MACF1: variants seen among roughly 807,000 people sequenced by gnomAD.
MACF1 encodes microtubule-actin cross-linking factor 1.
A neutral mutation model predicts 854.8 loss-of-function variants in MACF1; 193 were observed. The observed-to-expected ratio is 0.23, with a 90% confidence interval of 0.20 to 0.25. The LOEUF (loss-of-function observed/expected upper bound fraction) is 0.25. MACF1 is among the 10% of genes least tolerant of loss of function. The pLI is 1.00. For missense variants in MACF1, 7,722 were observed against 8,929.1 expected, an observed-to-expected ratio of 0.86 and a Z score of 5.45; for synonymous variants, 3,185 against 3,226.7, an observed-to-expected ratio of 0.99 and a Z score of 0.44.
intron 40 of MACF1, among the ~76,000 whole-genome samples, chr1:39,343,007 T>C (rs941889667): frequency 1.3e-5 from 2 of 152,196 alleles, no homozygotes; most frequent in South Asian, 2.1e-4. Flanking sequence ...CAGATTTTGC[T>C]TGGGGGCCAC....
In MACF1 at chr1:39,247,112, G is replaced by A. The variant is rs540945848; in HGVS notation, c.172-2902G>A. On this transcript the variant is annotated intron_variant, in intron 2 of 100. Coordinates refer to ENST00000564288, the MANE Select transcript of MACF1 (RefSeq NM_001394062.1). ...TTTTGAGACGGAGTTTCGCTCTGTT[G>A]CCCAGGCTGGAGTGCAGTGGCGCGA... Among the ~76,000 whole-genome samples, 20 of 128,640 alleles carry A rather than the reference G, an allele frequency of 1.6e-4. 1 individual carries two copies. The East Asian group carries it at 3.9e-3, about 25-fold the overall frequency. 84.4% of individuals were successfully genotyped at this position (128,640 alleles called of 152,430 possible).
chr1:39,442,593 T>C, intron 77 of MACF1, 26 bp downstream of exon 77: 1 of 1,612,920 alleles, frequency 6.2e-7, no homozygotes, highest in Non-Finnish European at 8.5e-7. Context: ...TTTTCATCTC[T>C]AACCCTATTG....
At chr1:39,177,481 A>G (rs1268367835) in intron 2 of MACF1, among the ~76,000 whole-genome samples, 2 of 152,294 alleles carry the variant, frequency 1.3e-5, no homozygotes, top group Non-Finnish European at 2.9e-5. Flanking sequence ...AAATAACTGC[A>G]TCATCAGTCC....
In MACF1 at chr1:39,327,330, T is replaced by C; in HGVS notation, c.4591T>C (p.Leu1531=). The C allele has an allele frequency of 6.2e-7, 1 of 1,605,516 alleles. No individual in the cohort carries two copies. The highest frequency in any genetic ancestry group is 8.5e-7 in the Non-Finnish European group (1 of 1,173,148). ...ANQLQQLQSQ[L]AHQTEQKECR... is the part of the protein sequence containing the mutation. ...TCAGCTTCAGCAGCTTCAGAGCCAG[T>C]TGGCTCACCAGACAGAACAAAAGGT... Residue 1531 remains leucine, a synonymous_variant, in exon 36 of 101, where the codon TTG becomes CTG. Coordinates refer to ENST00000564288, the MANE Select transcript of MACF1 (RefSeq NM_001394062.1).
At chr1:39,344,560 A>T (rs996178868) in intron 40 of MACF1, among the ~76,000 whole-genome samples, 1 of 152,076 alleles carries the variant, frequency 6.6e-6, no homozygotes, top group Admixed American at 6.5e-5. Context: ...ATATGTTGGC[A>T]TGCTTCCAGG....
In MACF1 at chr1:39,412,328, A is replaced by G. The variant is rs748820728; in HGVS notation, c.15817-10046A>G. The G allele has an allele frequency of 1.9e-6, 3 of 1,614,072 alleles. No homozygotes were observed. In the South Asian group the frequency reaches 3.3e-5, roughly 18 times the overall value. ...GATGAAATTCATTTGGAAAGTGGGA[A>G]TGTAACTGTTAATCAAGAAAATAAC... On this transcript the variant is annotated intron_variant, in intron 58 of 100. Coordinates refer to ENST00000564288, the MANE Select transcript of MACF1 (RefSeq NM_001394062.1).
intron 23 of MACF1, among the ~76,000 whole-genome samples, chr1:39,303,891 G>T (rs1646107815): frequency 6.6e-6 from 1 of 151,654 alleles, no homozygotes; most frequent in East Asian, 1.9e-4. Context: ...AAAAAAAAAG[G>T]TTGATTTTTT....
intron 97 of MACF1, among the ~76,000 whole-genome samples, chr1:39,479,265 T>C (rs1232705164): frequency 6.6e-6 from 1 of 152,224 alleles, no homozygotes; most frequent in Non-Finnish European, 1.5e-5. Flanking sequence ...TCTTAATGAT[T>C]CTCTCCTGAT....
At chr1:39,358,547 T>C (rs75439927) in intron 45 of MACF1, 150 bp from the exon 46 acceptor site, 1 of 672,344 alleles carries the variant, frequency 1.5e-6, no homozygotes, top group Non-Finnish European at 2.5e-6. Context: ...TTAGAGATCA[T>C]TGCTACCCAT....
chr1:39,105,820 C>G lies in MACF1; in HGVS notation c.220+21382C>G. On this transcript the variant is annotated intron_variant, in intron 2 of 93. Transcript: ENST00000361689. The surrounding 1 kb of genome is among the most constrained non-coding windows in gnomAD (Gnocchi z 5.9). ...TGCAGGTGGGGCGGCCGGGCGGGGT[C>G]GCACCCACCGCGCGGGGCTTGGCCC... The G allele has an allele frequency of 1.0e-5, 9 of 890,806 alleles. No individual in the cohort carries two copies. The highest frequency in any genetic ancestry group is 1.8e-5 in the African/African-American group (1 of 55,244). The allele number at this position is 890,806 out of a possible 1,614,324, so 55.2% of individuals were successfully genotyped here. A position where few individuals can be genotyped will look rare whatever the true frequency, so the allele number is the denominator to read the frequency against.
At chr1:39,471,317 C>T (rs1644772552) in intron 97 of MACF1, among the ~76,000 whole-genome samples, 1 of 152,116 alleles carries the variant, frequency 6.6e-6, no homozygotes, top group African/African-American at 2.4e-5. Context: ...ATTGGAAGTT[C>T]TATAAGGATT....
At position 39,316,469 on chromosome 1, in the gene MACF1, T is replaced by C. The variant is rs1646413514; in HGVS notation, c.3528T>C (p.Ser1176=). 1 of 1,613,620 alleles carries C rather than the reference T, an allele frequency of 6.2e-7. No homozygotes were observed. Among genetic ancestry groups the C allele is most frequent in the Non-Finnish European group, 8.5e-7 (1 of 1,179,862 alleles). Residue 1176 remains serine (S), a synonymous_variant, in exon 28 of 101, where the codon AGT becomes AGC. Transcript: ENST00000564288. ...LLVKGYEIKL[S]QEEVVLADLS... is the part of the protein sequence containing the mutation. ...TCAAAGGTTATGAGATTAAGCTGAGTCAAGAAGAAGTAGTACTGGCAGATC... is the reference window on the plus strand; with the variant it reads ...TCAAAGGTTATGAGATTAAGCTGAGCCAAGAAGAAGTAGTACTGGCAGATC...
chr1:39,200,616 T>G (rs141686881), upstream of MACF1, among the ~76,000 whole-genome samples: 386 of 152,104 alleles, frequency 2.5e-3, 4 homozygotes, highest in East Asian at 0.058. Context: ...GGAGAATCAC[T>G]TGAACCCGGT....
chr1:39,439,503 A>G lies in MACF1; in HGVS notation c.18447+3A>G, dbSNP rs201349444. 1.0e-4 allele frequency: 166 copies of G among 1,611,030 alleles called. No individual in the cohort carries two copies. Among genetic ancestry groups the G allele is most frequent in the Middle Eastern group, 1.6e-4 (1 of 6,074 alleles). On this transcript the variant is annotated splice_donor_region_variant and intron_variant, in intron 72 of 100. Transcript: ENST00000564288. Reference sequence around the variant, plus strand: ...AACAACAGGTTGAAGCTGCTGAGGTAAGAAGGAAACAAAACCCTTTTTCTT... The same window carrying G: ...AACAACAGGTTGAAGCTGCTGAGGTGAGAAGGAAACAAAACCCTTTTTCTT...
intron 58 of MACF1, among the ~76,000 whole-genome samples, chr1:39,395,567 A>G (rs186519123): frequency 6.6e-6 from 1 of 152,328 alleles, no homozygotes; most frequent in East Asian, 1.9e-4. Flanking sequence ...ATTGCCAAAG[A>G]GAAGAGGAAC....
chr1:39,463,716 G>T (rs1319887661), intron 94 of MACF1, 30 bp downstream of exon 94: 4 of 1,598,144 alleles, frequency 2.5e-6, no homozygotes, highest in Non-Finnish European at 3.4e-6. Context: ...GTCCTTTGTT[G>T]TGGTGGTTTC....
intron 58 of MACF1, among the ~76,000 whole-genome samples, chr1:39,392,826 A>T (rs584763): frequency 0.85 from 129,705 of 152,132 alleles, 55,856 homozygotes; most frequent in African/African-American, 0.95. Flanking sequence ...CCTCACTGGC[A>T]GACCAGATTC....
chr1:39,339,973 G>T (rs1167229634), intron 38 of MACF1, among the ~76,000 whole-genome samples: 1 of 152,148 alleles, frequency 6.6e-6, no homozygotes, highest in Non-Finnish European at 1.5e-5. Flanking sequence ...CTTATTTCCG[G>T]CTTATCTGTT....
chr1:39,189,901 A>G (rs930776011), intron 2 of MACF1, among the ~76,000 whole-genome samples: 1 of 152,230 alleles, frequency 6.6e-6, no homozygotes, highest in African/African-American at 2.4e-5. Flanking sequence ...TATTGATAAC[A>G]ATCAACATAG....
Sources: gnomAD v4.1 joint callset for allele counts (sites outside exome capture counted in the v4.1 genomes callset) on GRCh38, gnomAD v4.1.1 for gene constraint, Gnocchi (gnomAD v3.1) non-coding constraint, MANE v1.5 for transcripts, NCBI Gene and HGNC (gene_info 2026-07-23, HGNC 2026-07-21) for gene names.